Variants in MCHR2 observed in about 807,000 individuals in gnomAD.
MCHR2 encodes the protein melanin concentrating hormone receptor 2, also known as melanin-concentrating hormone receptor 2.
MCHR2 carries 15 observed loss-of-function variants against 24.8 expected under a neutral mutation model. That is an observed-to-expected ratio of 0.60 (90% CI 0.40 to 0.93). MCHR2 has a LOEUF of 0.93. Ranked by LOEUF, MCHR2 falls within the 40% of genes least tolerant of loss-of-function variation. The probability of loss-of-function intolerance (pLI) is 0.00; values close to 1 mark genes in which losing one functional copy is unlikely to be tolerated. For missense variants in MCHR2, 386 were observed against 408.7 expected, an observed-to-expected ratio of 0.94 and a Z score of 0.48; for synonymous variants, 151 against 147.6, an observed-to-expected ratio of 1.02 and a Z score of -0.17.
intron 5 of MCHR2, among the ~76,000 whole-genome samples, chr6:99,928,367 G>T (rs1461317566): frequency 6.6e-6 from 1 of 152,142 alleles, no homozygotes; most frequent in Non-Finnish European, 1.5e-5. Context: ...GAGTTAGGGA[G>T]GATTCCCTCT....
intron 1 of MCHR2, among the ~76,000 whole-genome samples, chr6:99,969,556 T>C (rs1775357788): frequency 6.6e-6 from 1 of 151,866 alleles, no homozygotes; most frequent in Non-Finnish European, 1.5e-5. Context: ...AAAGCATTTT[T>C]TCTTTTTTTT....
chr6:99,973,660 G>A (rs972179254), intron 1 of MCHR2, among the ~76,000 whole-genome samples: 2 of 152,174 alleles, frequency 1.3e-5, no homozygotes, highest in African/African-American at 4.8e-5. Flanking sequence ...TAGCCTTGAT[G>A]GTCTTTACAT....
chr6:99,981,617 A>G (rs780884688), intron 1 of MCHR2, among the ~76,000 whole-genome samples: 17 of 152,340 alleles, frequency 1.1e-4, no homozygotes, highest in Middle Eastern at 3.4e-3. Context: ...AACCCATTGC[A>G]TAAGGCTGTT....
At chr6:99,941,782 CCACCTAG>C (rs1301006009) in intron 4 of MCHR2, among the ~76,000 whole-genome samples, 1 of 152,084 alleles carries the variant, frequency 6.6e-6, no homozygotes, top group Non-Finnish European at 1.5e-5. Flanking sequence ...TGTTTACAAG[CCACCTAG>C]TCTATAGTGC....
intron 2 of MCHR2, among the ~76,000 whole-genome samples, chr6:99,949,709 G>A (rs1302014994): frequency 6.6e-6 from 1 of 151,980 alleles, no homozygotes; most frequent in Non-Finnish European, 1.5e-5. Context: ...AAACAGGTTG[G>A]TTCCTTTCCC....
At chr6:99,934,563 T>A in intron 4 of MCHR2, 46 bp from the exon 5 acceptor site, 1 of 1,478,564 alleles carries the variant, frequency 6.8e-7, no homozygotes, top group Non-Finnish European at 9.0e-7. Flanking sequence ...AACAACACCA[T>A]TACATTAATT....
At chr6:99,992,734 G>A (rs759911106) in intron 1 of MCHR2, among the ~76,000 whole-genome samples, 2 of 152,214 alleles carry the variant, frequency 1.3e-5, no homozygotes, top group Admixed American at 6.5e-5. Flanking sequence ...GTTAGGCTAA[G>A]AGTCGAATAA....
At chr6:99,953,127 T>G (rs926512072) in intron 2 of MCHR2, among the ~76,000 whole-genome samples, 2 of 152,178 alleles carry the variant, frequency 1.3e-5, no homozygotes, top group Non-Finnish European at 2.9e-5. Context: ...TGTCTCTGTA[T>G]AAATAGATGG....
At chr6:99,939,684 A>G (rs1774734320) in intron 4 of MCHR2, among the ~76,000 whole-genome samples, 1 of 151,484 alleles carries the variant, frequency 6.6e-6, no homozygotes, top group Non-Finnish European at 1.5e-5. Context: ...CATACCTTCA[A>G]GTATTTTCTT....
intron 1 of MCHR2, among the ~76,000 whole-genome samples, chr6:99,960,952 A>G (rs1775171163): frequency 6.6e-6 from 1 of 152,186 alleles, no homozygotes; most frequent in Non-Finnish European, 1.5e-5. Flanking sequence ...GCCAAAAGCA[A>G]TGGCAACAAA....
chr6:99,961,459 A>T (rs1775186046), intron 1 of MCHR2, among the ~76,000 whole-genome samples: 1 of 152,170 alleles, frequency 6.6e-6, no homozygotes, highest in African/African-American at 2.4e-5. Context: ...AACCAACCCA[A>T]ATGTCCATCA....
At chr6:99,959,190 C>T (rs771359441) in intron 1 of MCHR2, among the ~76,000 whole-genome samples, 49 of 152,092 alleles carry the variant, frequency 3.2e-4, no homozygotes, top group Admixed American at 3.9e-4. Context: ...AGTCAGATGG[C>T]ATGCTGCTAT....
intron 4 of MCHR2, among the ~76,000 whole-genome samples, chr6:99,940,951 G>A (rs1774758053): frequency 1.3e-5 from 2 of 152,030 alleles, no homozygotes; most frequent in Admixed American, 1.3e-4. Context: ...GTCTCCTTTG[G>A]CTGAGTTACA....
Position 99,920,630 on chromosome 6 carries a change from CA to C in MCHR2, c.*309del, listed in dbSNP as rs1288460736. 1 of 266,230 alleles carries C rather than the reference CA, an allele frequency of 3.8e-6. No homozygotes were observed. The highest frequency in any genetic ancestry group is 7.3e-6 in the Non-Finnish European group (1 of 137,880). The allele number at this position is 266,230 out of a possible 1,614,324, so 16.5% of individuals were successfully genotyped here. On this transcript the variant is annotated 3_prime_UTR_variant, in exon 6 of 6. Coordinates refer to ENST00000281806, the MANE Select transcript of MCHR2 (RefSeq NM_001040179.2). ...TCAGGTTCCTTGGTGAGTTTTGAGT[CA>C]ATGGTCATGGATGGCCATTTTCATT...
intron 5 of MCHR2, among the ~76,000 whole-genome samples, chr6:99,922,690 G>T (rs977379314): frequency 6.6e-6 from 1 of 152,108 alleles, no homozygotes; most frequent in Non-Finnish European, 1.5e-5. Flanking sequence ...TGTTAAAAAT[G>T]AATTCATTGT....
chr6:99,922,647 T>C (rs2114482260), intron 5 of MCHR2, among the ~76,000 whole-genome samples: 1 of 152,336 alleles, frequency 6.6e-6, no homozygotes, highest in Middle Eastern at 3.4e-3. Flanking sequence ...GAAGAGGCTG[T>C]CTTTTCCCCA....
chr6:99,972,909 G>C (rs1775460511), intron 1 of MCHR2, among the ~76,000 whole-genome samples: 1 of 152,104 alleles, frequency 6.6e-6, no homozygotes, highest in South Asian at 2.1e-4. Context: ...TAGTTTGATT[G>C]CACTGTGGTC....
chr6:99,965,633 A>T (rs1322897190), intron 1 of MCHR2, among the ~76,000 whole-genome samples: 5 of 152,196 alleles, frequency 3.3e-5, no homozygotes, highest in African/African-American at 1.2e-4. Flanking sequence ...GTAATTACAA[A>T]ATGTAAAATA....
At chr6:99,975,585 A>G (rs1775532886) in intron 1 of MCHR2, among the ~76,000 whole-genome samples, 1 of 152,142 alleles carries the variant, frequency 6.6e-6, no homozygotes, top group Admixed American at 6.5e-5. Flanking sequence ...ACTGTCCTGC[A>G]CCCACTGTCT....
Sources: gnomAD v4.1 joint callset for allele counts (sites outside exome capture counted in the v4.1 genomes callset) on GRCh38, gnomAD v4.1.1 for gene constraint, MANE v1.5 for transcripts, NCBI Gene and HGNC (gene_info 2026-07-23, HGNC 2026-07-21) for gene names.